The following PTPRD variants were observed in gnomAD, a reference collection of about 807,000 sequenced individuals.
PTPRD encodes the protein receptor-type tyrosine-protein phosphatase delta.
In PTPRD, 34 loss-of-function variants were observed where a neutral mutation model predicts 214.5. The ratio of observed to expected loss-of-function variants is 0.16; its 90% CI spans 0.12 to 0.21. The LOEUF (loss-of-function observed/expected upper bound fraction) is 0.21, where lower values mean the gene tolerates loss of function less well. Among genes scored for constraint, PTPRD ranks in the 10% least tolerant of loss-of-function variants. PTPRD has a pLI of 1.00. For missense variants in PTPRD, 2,545 were observed against 2,398.7 expected, an observed-to-expected ratio of 1.06 and a Z score of -1.27; for synonymous variants, 1,128 against 845.7, an observed-to-expected ratio of 1.33 and a Z score of -5.79.
chr9:9,989,750 G>C (rs2095848744), intron 4 of PTPRD, among the ~76,000 whole-genome samples: 2 of 152,168 alleles, frequency 1.3e-5, no homozygotes, highest in African/African-American at 4.8e-5. Flanking sequence ...AGTGCACTGT[G>C]ACACACACCC....
At chr9:10,061,671 T>C (rs985612718) in intron 3 of PTPRD, among the ~76,000 whole-genome samples, 2 of 152,078 alleles carry the variant, frequency 1.3e-5, no homozygotes, top group Non-Finnish European at 2.9e-5. Context: ...GAGGCTGATT[T>C]ATCCAGCCAG....
chr9:8,678,429 A>G (rs945082504), intron 12 of PTPRD, among the ~76,000 whole-genome samples: 22 of 152,140 alleles, frequency 1.4e-4, no homozygotes, highest in Non-Finnish European at 2.5e-4. Context: ...GTCATAATCT[A>G]AGGAGATGAG....
intron 4 of PTPRD, among the ~76,000 whole-genome samples, chr9:10,016,675 T>C (rs948740721): frequency 3.3e-5 from 5 of 151,068 alleles, no homozygotes; most frequent in African/African-American, 9.7e-5. Flanking sequence ...TGTGGGTTGT[T>C]TTTTTTTTCC....
intron 3 of PTPRD, among the ~76,000 whole-genome samples, chr9:10,260,000 A>G (rs1437968939): frequency 6.6e-6 from 1 of 152,162 alleles, no homozygotes; most frequent in Non-Finnish European, 1.5e-5. Flanking sequence ...GAGACAGTCC[A>G]CACCACTCTC....
At chr9:8,924,300 A>G (rs2098848937) in intron 11 of PTPRD, among the ~76,000 whole-genome samples, 1 of 152,206 alleles carries the variant, frequency 6.6e-6, no homozygotes, top group South Asian at 2.1e-4. Context: ...CACTATTTCA[A>G]TCAGGTATTT....
chr9:9,373,012 T>TTC (rs2059927120), intron 9 of PTPRD, among the ~76,000 whole-genome samples: 1 of 152,086 alleles, frequency 6.6e-6, no homozygotes, highest in Non-Finnish European at 1.5e-5. Context: ...GACTTTCTTC[T>TTC]TCTACATCTC....
chr9:9,813,586 A>C (rs1244768716), intron 5 of PTPRD, among the ~76,000 whole-genome samples: 1 of 152,094 alleles, frequency 6.6e-6, no homozygotes, highest in Non-Finnish European at 1.5e-5. Flanking sequence ...AGAAAATATA[A>C]ATAGACTAAT....
intron 15 of PTPRD, 69 bp from the exon 16 acceptor site, chr9:8,527,422 C>T (rs2074472927): frequency 4.1e-6 from 6 of 1,468,318 alleles, no homozygotes; most frequent in African/African-American, 1.4e-5. Context: ...TAATTTGGTA[C>T]AAATTTTTCA....
chr9:8,602,030 T>C (rs556023016), intron 14 of PTPRD, among the ~76,000 whole-genome samples: 1 of 151,922 alleles, frequency 6.6e-6, no homozygotes, highest in African/African-American at 2.4e-5. Flanking sequence ...CAGATCTCCA[T>C]CTCTACACTC....
At chr9:9,297,330 G>T (rs1201676045) in intron 9 of PTPRD, among the ~76,000 whole-genome samples, 1 of 151,470 alleles carries the variant, frequency 6.6e-6, no homozygotes, top group Non-Finnish European at 1.5e-5. Flanking sequence ...ATATGGTTTT[G>T]GGTCTTGCAA....
At chr9:9,381,705 TTTGTTTTTG>T (rs554302004) in intron 9 of PTPRD, among the ~76,000 whole-genome samples, 2 of 150,242 alleles carry the variant, frequency 1.3e-5, no homozygotes, top group South Asian at 2.1e-4. Context: ...TTTTTTGTTT[TTTGTTTTTG>T]TTTTTTTTTG....
intron 11 of PTPRD, among the ~76,000 whole-genome samples, chr9:8,964,917 G>A (rs2099183502): frequency 6.6e-6 from 1 of 152,086 alleles, no homozygotes; most frequent in Admixed American, 6.6e-5. Flanking sequence ...AGTATGGATG[G>A]TATAATTTTG....
intron 8 of PTPRD, among the ~76,000 whole-genome samples, chr9:9,513,482 T>C (rs1407222410): frequency 6.6e-6 from 1 of 151,904 alleles, no homozygotes; most frequent in East Asian, 1.9e-4. Flanking sequence ...TATAATGTAG[T>C]TTTTATATAT....
chr9:8,743,594 A>G (rs1322830484), intron 11 of PTPRD, among the ~76,000 whole-genome samples: 1 of 152,156 alleles, frequency 6.6e-6, no homozygotes. Context: ...CTTATACACA[A>G]ATCGACTGAA....
At chr9:8,332,774 C>G (rs1842745917) in intron 43 of PTPRD, among the ~76,000 whole-genome samples, 1 of 152,086 alleles carries the variant, frequency 6.6e-6, no homozygotes, top group Admixed American at 6.6e-5. Flanking sequence ...CCTGACTCAT[C>G]AGCAGAGAGA....
Position 8,528,871 on chromosome 9 carries a change from A to T in PTPRD, c.353-92T>A, listed in dbSNP as rs962322102. On this transcript the variant is annotated intron_variant, in intron 14 of 45. Transcript: ENST00000381196. ...CCAGAAATCTCTCTTTACCTTACTC[A>T]GTGCTTGTTGAGAACCTAACACAAA... is the stretch of plus-strand genomic sequence containing the variant. 18 of 1,283,264 alleles carry T rather than the reference A, an allele frequency of 1.4e-5. No individual in the cohort carries two copies. The African/African-American group carries it at 2.4e-4, about 17-fold the overall frequency. 79.5% of individuals were successfully genotyped at this position (1,283,264 alleles called of 1,614,324 possible).
intron 3 of PTPRD, among the ~76,000 whole-genome samples, chr9:10,060,381 T>G (rs941873402): frequency 4.6e-5 from 7 of 152,060 alleles, no homozygotes; most frequent in Admixed American, 1.3e-4. Flanking sequence ...TCTTTCCCGT[T>G]AAAATAACAC....
intron 10 of PTPRD, among the ~76,000 whole-genome samples, chr9:9,173,901 C>A (rs1413265127): frequency 6.6e-6 from 1 of 152,008 alleles, no homozygotes; most frequent in African/African-American, 2.4e-5. Context: ...AGTGTCTGGC[C>A]CACTTTGGCT....
At chr9:10,599,024 C>T (rs1309506096) in intron 2 of PTPRD, among the ~76,000 whole-genome samples, 1 of 151,616 alleles carries the variant, frequency 6.6e-6, no homozygotes, top group Non-Finnish European at 1.5e-5. Context: ...CATTTCCCAG[C>T]TTCACGTGCA....
Sources: allele counts gnomAD v4.1 joint callset (sites outside exome capture counted in the v4.1 genomes callset), GRCh38; gene constraint gnomAD v4.1.1; transcripts MANE v1.5; gene names NCBI Gene and HGNC (gene_info 2026-07-23, HGNC 2026-07-21).